ATXN2: variants seen among roughly 807,000 people sequenced by gnomAD.
ATXN2 encodes ataxin-2.
In ATXN2, 37 loss-of-function variants were observed where a neutral mutation model predicts 138.6. The observed-to-expected ratio is 0.27, with a 90% confidence interval of 0.21 to 0.35. ATXN2 has a LOEUF of 0.35. ATXN2 is among the 10% of genes least tolerant of loss of function. The pLI is 1.00. For synonymous variants in ATXN2, 549 were observed against 543.7 expected, an observed-to-expected ratio of 1.01 and a Z score of -0.13; for missense variants, 1,216 against 1,480.3, an observed-to-expected ratio of 0.82 and a Z score of 2.93.
rs771257865 is a variant in ATXN2, at chr12:111,480,153, T to C, written c.2524+5112A>G. Among the ~76,000 whole-genome samples the C allele has an allele frequency of 7.4e-4, 113 of 152,144 alleles. 1 individual carries two copies. Among genetic ancestry groups the C allele is most frequent in the Middle Eastern group, 6.8e-3 (2 of 294 alleles). On this transcript the variant is annotated intron_variant, in intron 18 of 24. Coordinates refer to ENST00000673436, the MANE Select transcript of ATXN2 (RefSeq NM_001372574.1). ...GGACAGAGAAGAGGAACAGGCACAATGTTTTCCATCTTCACTGATGAAGCA... is the reference window on the plus strand; with the variant it reads ...GGACAGAGAAGAGGAACAGGCACAACGTTTTCCATCTTCACTGATGAAGCA...
chr12:111,559,477 TAA>T (rs1279143484), intron 1 of ATXN2, among the ~76,000 whole-genome samples: 1 of 151,202 alleles, frequency 6.6e-6, no homozygotes, highest in Admixed American at 6.6e-5. Context: ...AAAATACATA[TAA>T]AAGCAATGCA....
intron 18 of ATXN2, 26 bp downstream of exon 18, chr12:111,485,239 G>A (rs1389123781): frequency 1.9e-6 from 3 of 1,592,396 alleles, no homozygotes; most frequent in Non-Finnish European, 1.7e-6. Flanking sequence ...CAAACTACAA[G>A]CAAACACAGG....
intron 1 of ATXN2, among the ~76,000 whole-genome samples, chr12:111,577,102 T>G (rs1883709839): frequency 6.7e-6 from 1 of 149,230 alleles, no homozygotes; most frequent in South Asian, 2.2e-4. Flanking sequence ...CCACTGCGCC[T>G]GGCCACGACA....
Position 111,470,131 on chromosome 12 carries a change from T to C in ATXN2, c.2819A>G (p.His940Arg). 6.2e-7 allele frequency: 1 copy of C among 1,614,074 alleles called. No homozygotes were observed. The highest frequency in any genetic ancestry group is 8.5e-7 in the Non-Finnish European group (1 of 1,179,958). The change falls in exon 20 of 25, where the codon CAT becomes CGT. Residue 940 changes from histidine to arginine, a missense_variant. Transcript: ENST00000673436. Reference protein sequence around the residue: ...VSSSATQYGAHEQTHAMYACP... With the variant: ...VSSSATQYGAREQTHAMYACP... Reference sequence around the variant, plus strand: ...ACCATACATCGCATGCGTCTGCTCATGAGCCCCGTACTGAGTTGCTGAAGA... The same window carrying C: ...ACCATACATCGCATGCGTCTGCTCACGAGCCCCGTACTGAGTTGCTGAAGA...
chr12:111,483,503 C>T (rs1276874349), intron 18 of ATXN2, among the ~76,000 whole-genome samples: 4 of 141,456 alleles, frequency 2.8e-5, no homozygotes, highest in Admixed American at 7.4e-5. Context: ...CACCCAGGCA[C>T]GCACCACCAT....
At chr12:111,518,812 G>A (rs1030459301) in intron 8 of ATXN2, among the ~76,000 whole-genome samples, 1 of 151,596 alleles carries the variant, frequency 6.6e-6, no homozygotes, top group African/African-American at 2.4e-5. Flanking sequence ...CTCCAATATC[G>A]GCAATGCTGA....
chr12:111,595,001 T>C (rs1228257105), intron 1 of ATXN2, among the ~76,000 whole-genome samples: 1 of 152,174 alleles, frequency 6.6e-6, no homozygotes, highest in Non-Finnish European at 1.5e-5. Context: ...CAAATATCAA[T>C]AATCCAGTAA....
chr12:111,509,699 A>C, intron 13 of ATXN2, 80 bp from the exon 14 acceptor site: 2 of 973,818 alleles, frequency 2.1e-6, no homozygotes, highest in Non-Finnish European at 3.1e-6. Context: ...AGATGATAGA[A>C]ATTAGAATAA....
intron 1 of ATXN2, among the ~76,000 whole-genome samples, chr12:111,574,915 G>T (rs1883546897): frequency 6.6e-6 from 1 of 152,160 alleles, no homozygotes; most frequent in African/African-American, 2.4e-5. Context: ...CCTTCTGAGT[G>T]AATTTGAATA....
intron 20 of ATXN2, among the ~76,000 whole-genome samples, 165 bp from the exon 21 acceptor site, chr12:111,464,880 G>A (rs888028944): frequency 1.4e-4 from 21 of 152,166 alleles, no homozygotes; most frequent in African/African-American, 5.1e-4. Context: ...TTAAAAGAAA[G>A]GACTAAACCG....
chr12:111,574,462 C>T (rs941829255), intron 1 of ATXN2, among the ~76,000 whole-genome samples: 1 of 151,768 alleles, frequency 6.6e-6, no homozygotes, highest in Non-Finnish European at 1.5e-5. Context: ...GGGTCTCACT[C>T]TGTCGCCTGG....
At chr12:111,546,471 T>C (rs1057478753) in intron 5 of ATXN2, among the ~76,000 whole-genome samples, 1 of 152,144 alleles carries the variant, frequency 6.6e-6, no homozygotes, top group African/African-American at 2.4e-5. Context: ...AAAATTTATT[T>C]ACTGATGAGC....
At chr12:111,534,509 G>T (rs542973961) in intron 5 of ATXN2, among the ~76,000 whole-genome samples, 3 of 152,142 alleles carry the variant, frequency 2.0e-5, no homozygotes, top group Non-Finnish European at 2.9e-5. Flanking sequence ...ACCATGGTTG[G>T]GGGGGACGCA....
At chr12:111,472,215 C>T (rs1271878562) in intron 18 of ATXN2, among the ~76,000 whole-genome samples, 2 of 152,116 alleles carry the variant, frequency 1.3e-5, no homozygotes, top group Non-Finnish European at 2.9e-5. Flanking sequence ...CGCGGTAAGC[C>T]GTAACTGCAC....
intron 15 of ATXN2, 24 bp downstream of exon 15, chr12:111,488,452 G>T: frequency 6.3e-7 from 1 of 1,577,926 alleles, no homozygotes; most frequent in Admixed American, 1.9e-5. Flanking sequence ...GTAACAGGAT[G>T]GTCTAAGTTC....
intron 14 of ATXN2, among the ~76,000 whole-genome samples, chr12:111,508,167 AAAAG>A (rs1037658714): frequency 1.3e-5 from 2 of 152,090 alleles, no homozygotes; most frequent in African/African-American, 4.8e-5. Flanking sequence ...AAAAAAAAAA[AAAAG>A]ACTTTATAGC....
At chr12:111,591,943 G>T (rs1884685349) in intron 1 of ATXN2, among the ~76,000 whole-genome samples, 1 of 151,748 alleles carries the variant, frequency 6.6e-6, no homozygotes, top group South Asian at 2.1e-4. Context: ...TTAGCTGAGT[G>T]GGGTAGCAGG....
At chr12:111,544,562 C>T (rs1308888485) in intron 5 of ATXN2, among the ~76,000 whole-genome samples, 1 of 152,036 alleles carries the variant, frequency 6.6e-6, no homozygotes, top group Non-Finnish European at 1.5e-5. Context: ...ATGATACACA[C>T]ATGATAGGAG....
intron 14 of ATXN2, among the ~76,000 whole-genome samples, chr12:111,489,301 GCTCTATCACATA>G (rs1454527897): frequency 6.6e-6 from 1 of 152,086 alleles, no homozygotes; most frequent in East Asian, 1.9e-4. Flanking sequence ...GGAGAAGCTG[GCTCTATCACATA>G]AAACAATAGC....
Sources: gnomAD v4.1 joint callset for allele counts (sites outside exome capture counted in the v4.1 genomes callset) on GRCh38, gnomAD v4.1.1 for gene constraint, MANE v1.5 for transcripts, NCBI Gene and HGNC (gene_info 2026-07-23, HGNC 2026-07-21) for gene names.